The following DCBLD1 variants were observed in gnomAD, a reference collection of about 807,000 sequenced individuals.
DCBLD1 encodes discoidin, CUB and LCCL domain-containing protein 1.
DCBLD1 carries 57 observed loss-of-function variants against 71.5 expected under a neutral mutation model. The ratio of observed to expected loss-of-function variants is 0.80; its 90% CI spans 0.64 to 0.99. DCBLD1 has a LOEUF of 0.99. DCBLD1 is among the 50% of genes least tolerant of loss of function. DCBLD1 has a pLI of 0.00. For synonymous variants in DCBLD1, 380 were observed against 363.8 expected, an observed-to-expected ratio of 1.04 and a Z score of -0.51; for missense variants, 891 against 923.5, an observed-to-expected ratio of 0.96 and a Z score of 0.46.
chr6:117,550,333 A>G (rs541861158), downstream of DCBLD1, among the ~76,000 whole-genome samples: 1 of 152,318 alleles, frequency 6.6e-6, no homozygotes, highest in Non-Finnish European at 1.5e-5. Context: ...AACCCTACAC[A>G]GCTAAACCTA....
chr6:117,493,960 ATATATATGTGTGTGTG>A (rs1417594804), intron 1 of DCBLD1, among the ~76,000 whole-genome samples: 1 of 152,120 alleles, frequency 6.6e-6, no homozygotes, highest in Non-Finnish European at 1.5e-5. Flanking sequence ...GTGTATCTGT[ATATATATGTGTGTGTG>A]TATATATGTG....
chr6:117,510,796 T>G (rs1433779715), intron 2 of DCBLD1, among the ~76,000 whole-genome samples: 2 of 152,224 alleles, frequency 1.3e-5, no homozygotes, highest in African/African-American at 2.4e-5. Flanking sequence ...AAGAAAGCTT[T>G]GGTTTACATA....
chr6:117,492,909 T>G (rs1777343210), intron 1 of DCBLD1, among the ~76,000 whole-genome samples: 1 of 152,222 alleles, frequency 6.6e-6, no homozygotes, highest in Admixed American at 6.5e-5. Context: ...TTTCTTTGTT[T>G]ATTTTCCACA....
chr6:117,483,018 G>A lies in DCBLD1; in HGVS notation c.112+125G>A, dbSNP rs893453919. The A allele has an allele frequency of 1.1e-5, 11 of 999,918 alleles. No individual in the cohort carries two copies. The African/African-American group carries it at 1.7e-4, about 16-fold the overall frequency. 61.9% of individuals were successfully genotyped at this position (999,918 alleles called of 1,614,324 possible). The stretch of plus-strand genomic sequence containing the variant: ...CCGGGCCTGGGGGGACGGAGCGCGG[G>A]AGGAAGTCGGGCTCGCCGCCTGCCA... On this transcript the variant is annotated intron_variant, in intron 1 of 14. Transcript: ENST00000338728.
At chr6:117,491,999 A>G (rs549753648) in intron 1 of DCBLD1, among the ~76,000 whole-genome samples, 134 of 152,304 alleles carry the variant, frequency 8.8e-4, no homozygotes, top group South Asian at 5.0e-3. Context: ...CGCATATGTT[A>G]TTATTGTTGT....
Position 117,545,542 on chromosome 6 carries a change from T to A in DCBLD1, c.1560T>A (p.Tyr520Ter). The change falls in exon 14 of 15, where the codon TAT (tyrosine) becomes TAA (stop). Residue 520 changes from tyrosine (Y) to a stop codon, truncating the protein, a stop_gained. Coordinates refer to ENST00000338728, the MANE Select transcript of DCBLD1 (RefSeq NM_001366458.2). LOFTEE classifies it high-confidence loss of function. ...AGTCAGCTGAGTTTACCATCAGCTATGATAATGAGAAGGAGATGACACAAA... is the reference window on the plus strand; with the variant it reads ...AGTCAGCTGAGTTTACCATCAGCTAAGATAATGAGAAGGAGATGACACAAA... ...RHQSAEFTIS[Y>*]DNEKEMTQKL... The A allele has an allele frequency of 6.2e-7, 1 of 1,614,210 alleles. No homozygotes were observed. Among genetic ancestry groups the A allele is most frequent in the Non-Finnish European group, 8.5e-7 (1 of 1,180,032 alleles).
At chr6:117,566,033 G>T (rs533693394) in intron 14 of DCBLD1, among the ~76,000 whole-genome samples, 2 of 152,224 alleles carry the variant, frequency 1.3e-5, no homozygotes, top group Admixed American at 1.3e-4. Flanking sequence ...TTTCATCAAA[G>T]ATATTTTTAA....
intron 1 of DCBLD1, among the ~76,000 whole-genome samples, chr6:117,500,029 A>G (rs1319065673): frequency 6.6e-6 from 1 of 152,218 alleles, no homozygotes; most frequent in Non-Finnish European, 1.5e-5. Context: ...AAAAATAAAT[A>G]AATAATACTT....
intron 6 of DCBLD1, 65 bp from the exon 7 acceptor site, chr6:117,537,100 TCTGTGAGCCCTGGGATGTAG>T (rs1778906646): frequency 7.2e-7 from 1 of 1,398,396 alleles, no homozygotes; most frequent in African/African-American, 1.4e-5. Flanking sequence ...GTGGGAAAGT[TCTGTGAGCCCTGGGATGTAG>T]CTATATTAGT....
At chr6:117,543,355 G>A (rs1157185771) in intron 12 of DCBLD1, 144 bp downstream of exon 12, 3 of 710,940 alleles carry the variant, frequency 4.2e-6, no homozygotes, top group Non-Finnish European at 7.3e-6. Context: ...TTACAAACAA[G>A]TTAGATAAAA....
chr6:117,548,575 T>C lies in DCBLD1; in HGVS notation c.*136T>C. 1 of 1,461,858 alleles carries C rather than the reference T, an allele frequency of 6.8e-7. No homozygotes were observed. The highest frequency in any genetic ancestry group is 9.0e-7 in the Non-Finnish European group (1 of 1,112,052). 90.6% of individuals were successfully genotyped at this position (1,461,858 alleles called of 1,614,324 possible). The stretch of plus-strand genomic sequence containing the variant: ...ACTTGCATGTGTGTGTGTGATCCAG[T>C]AGGATCCTAGAGACAACCTGTCATA... On this transcript the variant is annotated 3_prime_UTR_variant, in exon 15 of 15. Coordinates refer to ENST00000338728, the MANE Select transcript of DCBLD1 (RefSeq NM_001366458.2).
intron 2 of DCBLD1, among the ~76,000 whole-genome samples, chr6:117,518,229 C>T (rs1778270146): frequency 6.6e-6 from 1 of 152,214 alleles, no homozygotes. Flanking sequence ...TGCCACCAGT[C>T]TCTTTGCTCA....
At chr6:117,486,265 G>C (rs973374162) in intron 1 of DCBLD1, among the ~76,000 whole-genome samples, 1 of 152,120 alleles carries the variant, frequency 6.6e-6, no homozygotes, top group Non-Finnish European at 1.5e-5. Flanking sequence ...TTTTAGTTGT[G>C]TTAAAGCAGG....
At chr6:117,532,090 C>CAGA (rs1778741391) in intron 5 of DCBLD1, among the ~76,000 whole-genome samples, 170 bp from the exon 6 acceptor site, 2 of 152,194 alleles carry the variant, frequency 1.3e-5, no homozygotes, top group African/African-American at 4.8e-5. Flanking sequence ...CAAAGCAAGT[C>CAGA]ACATGGTCCA....
At chr6:117,491,246 A>G (rs527832777) in intron 1 of DCBLD1, among the ~76,000 whole-genome samples, 25 of 152,332 alleles carry the variant, frequency 1.6e-4, no homozygotes, top group African/African-American at 5.5e-4. Context: ...TGAGATTCAT[A>G]TATTTGAATT....
At chr6:117,543,865 TTATGTATAAAA>T (rs1253748507) in intron 12 of DCBLD1, among the ~76,000 whole-genome samples, 5 of 152,206 alleles carry the variant, frequency 3.3e-5, no homozygotes. Flanking sequence ...GCCTGTTTCC[TTATGTATAAAA>T]TATAGTTTAC....
chr6:117,527,259 C>G (rs1778574749), intron 5 of DCBLD1, among the ~76,000 whole-genome samples: 1 of 152,112 alleles, frequency 6.6e-6, no homozygotes, highest in Non-Finnish European at 1.5e-5. Context: ...AAAATCTCAG[C>G]CCCCACCCAC....
chr6:117,483,804 G>T (rs923557578), intron 1 of DCBLD1, among the ~76,000 whole-genome samples: 1 of 151,572 alleles, frequency 6.6e-6, no homozygotes, highest in Non-Finnish European at 1.5e-5. Flanking sequence ...ATTTAATGGC[G>T]CTGAGTCTAT....
chr6:117,545,296 G>A (rs1214800360), intron 13 of DCBLD1, among the ~76,000 whole-genome samples, 182 bp from the exon 14 acceptor site: 2 of 152,140 alleles, frequency 1.3e-5, no homozygotes, highest in Non-Finnish European at 2.9e-5. Context: ...GGTTAGAGTA[G>A]TGTTTGCTGT....
Sources: allele counts gnomAD v4.1 joint callset (sites outside exome capture counted in the v4.1 genomes callset), GRCh38; gene constraint gnomAD v4.1.1; transcripts MANE v1.5; gene names NCBI Gene and HGNC (gene_info 2026-07-23, HGNC 2026-07-21).